ZNF583: variants seen among roughly 807,000 people sequenced by gnomAD.
The protein encoded by ZNF583 is zinc finger protein 583.
A neutral mutation model predicts 55.3 loss-of-function variants in ZNF583; 30 were observed. The observed-to-expected ratio is 0.54, with a 90% CI of 0.41 to 0.74. ZNF583 has a LOEUF of 0.74. Ranked by LOEUF, ZNF583 falls within the 30% of genes least tolerant of loss-of-function variation. The pLI is 0.00. For missense variants in ZNF583, 504 were observed against 664.7 expected (o/e 0.76, Z 2.66); for synonymous variants, 208 against 220.0 (o/e 0.95, Z 0.48).
intron 4 of ZNF583, among the ~76,000 whole-genome samples, chr19:56,419,225 C>A (rs1428446244): frequency 1.6e-5 from 2 of 126,124 alleles, no homozygotes; most frequent in Non-Finnish European, 3.2e-5. Context: ...GAGATGGAGT[C>A]TTGCTCTGTC....
chr19:56,423,638 T>C lies in ZNF583; in HGVS notation c.980T>C (p.Ile327Thr), dbSNP rs986296569. Reference protein sequence around the residue: ...VHTGERPFECIECGKAFSNGS... With the variant: ...VHTGERPFECTECGKAFSNGS... ...ACTGGAGAGAGACCTTTCGAATGTATTGAATGTGGAAAGGCCTTTAGTAAT... is the reference window on the plus strand; with the variant it reads ...ACTGGAGAGAGACCTTTCGAATGTACTGAATGTGGAAAGGCCTTTAGTAAT... The change falls in exon 5 of 5, where the codon ATT becomes ACT. Residue 327 changes from isoleucine to threonine, a missense_variant. By Grantham distance (89) the Ile-to-Thr change is moderately conservative. Around this residue, in one of 3 missense-constraint regions of ZNF583, gnomAD observed 237 missense variants for 373.0 expected, o/e 0.64. Coordinates refer to ENST00000333201, the MANE Select transcript of ZNF583 (RefSeq NM_152478.3). The C allele has an allele frequency of 2.5e-6, 4 of 1,611,206 alleles. No homozygotes were observed. The highest frequency in any genetic ancestry group is 3.4e-6 in the Non-Finnish European group (4 of 1,179,178).
At chr19:56,413,845 G>A in intron 2 of ZNF583, 114 bp from the exon 3 acceptor site, 1 of 1,448,184 alleles carries the variant, frequency 6.9e-7, no homozygotes, top group Non-Finnish European at 9.4e-7. Context: ...CTGTCAGAAA[G>A]TTTTGCTATG....
chr19:56,413,840 A>G (rs2042274922), intron 2 of ZNF583, 119 bp from the exon 3 acceptor site: 1 of 1,403,000 alleles, frequency 7.1e-7, no homozygotes, highest in Admixed American at 2.0e-5. Context: ...AGATACTGTC[A>G]GAAAGTTTTG....
chr19:56,414,126 C>T (rs921850352), intron 3 of ZNF583, 41 bp downstream of exon 3: 1 of 1,556,124 alleles, frequency 6.4e-7, no homozygotes. Flanking sequence ...GTACATGGGA[C>T]TGAGCTCCAA....
Position 56,423,126 on chromosome 19 carries a change from A to G in ZNF583, c.468A>G (p.Lys156=). The G allele has an allele frequency of 6.2e-7, 1 of 1,611,732 alleles. No homozygotes were observed. Among genetic ancestry groups the G allele is most frequent in the Non-Finnish European group, 8.5e-7 (1 of 1,179,436 alleles). ...AAATCCTTCCAGAAGTTCAAAATAAAGAATATAACAAATCTTGGCAAACAT... is the reference window on the plus strand; with the variant it reads ...AAATCCTTCCAGAAGTTCAAAATAAGGAATATAACAAATCTTGGCAAACAT... ...HKEILPEVQN[K]EYNKSWQTFH... is the part of the protein sequence containing the mutation. Residue 156 remains lysine (K), a synonymous_variant, in exon 5 of 5, where the codon AAA becomes AAG. Coordinates refer to ENST00000333201, the MANE Select transcript of ZNF583 (RefSeq NM_152478.3).
At chr19:56,419,195 CT>C (rs57785686) in intron 4 of ZNF583, among the ~76,000 whole-genome samples, 50,879 of 113,694 alleles carry the variant, frequency 0.45, 8,649 homozygotes, top group East Asian at 0.75. Context: ...TGCAGGTTTA[CT>C]TTTTTTTTTT....
chr19:56,417,676 AT>A (rs2042349429), intron 4 of ZNF583, among the ~76,000 whole-genome samples: 1 of 152,138 alleles, frequency 6.6e-6, no homozygotes, highest in Non-Finnish European at 1.5e-5. Flanking sequence ...GTAAAATCCA[AT>A]TTATTAATTT....
At chr19:56,417,637 C>G (rs1289441161) in intron 4 of ZNF583, among the ~76,000 whole-genome samples, 1 of 152,120 alleles carries the variant, frequency 6.6e-6, no homozygotes, top group African/African-American at 2.4e-5. Flanking sequence ...CTGCTGCCAC[C>G]TCTGTTGGAG....
intron 4 of ZNF583, among the ~76,000 whole-genome samples, chr19:56,417,914 C>G (rs1016015302): frequency 6.6e-6 from 1 of 152,130 alleles, no homozygotes; most frequent in Admixed American, 6.5e-5. Flanking sequence ...CTTCCTAATT[C>G]TATCACCTAT....
chr19:56,411,424 G>A (rs2042236708), intron 2 of ZNF583, among the ~76,000 whole-genome samples: 1 of 152,188 alleles, frequency 6.6e-6, no homozygotes, highest in Admixed American at 6.5e-5. Flanking sequence ...AAATGTACAA[G>A]GTATTCATGG....
At position 56,414,341 on chromosome 19, in the gene ZNF583, G is replaced by A; in HGVS notation, c.137-4G>A. On this transcript the variant is annotated splice_region_variant and splice_polypyrimidine_tract_variant and intron_variant, in intron 3 of 4. Coordinates refer to ENST00000333201, the MANE Select transcript of ZNF583 (RefSeq NM_152478.3). ...CTAATTCCCCTTTTGTTTTTTGTAA[G>A]CAGGAGTTTCTGTTTCTAAGCCAGA... 1.2e-6 allele frequency: 2 copies of A among 1,613,938 alleles called. No homozygotes were observed. Among genetic ancestry groups the A allele is most frequent in the Non-Finnish European group, 1.7e-6 (2 of 1,179,928 alleles).
intron 2 of ZNF583, among the ~76,000 whole-genome samples, chr19:56,412,420 T>C (rs1269810632): frequency 6.6e-6 from 1 of 152,214 alleles, no homozygotes; most frequent in East Asian, 1.9e-4. Context: ...CAACATTCGG[T>C]AGTATTATTT....
intron 4 of ZNF583, chr19:56,421,539 A>C: frequency 1.0e-6 from 1 of 978,550 alleles, no homozygotes; most frequent in African/African-American, 1.7e-5. Context: ...TGTTGCCTTC[A>C]GATTCTTTTC....
At chr19:56,406,770 G>A (rs1179788952) in intron 1 of ZNF583, among the ~76,000 whole-genome samples, 2 of 151,992 alleles carry the variant, frequency 1.3e-5, no homozygotes, top group Non-Finnish European at 2.9e-5. Flanking sequence ...TTCGTGATTC[G>A]CCAGCCTCGG....
chr19:56,415,506 G>A (rs1402328428), intron 4 of ZNF583, among the ~76,000 whole-genome samples: 1 of 152,134 alleles, frequency 6.6e-6, no homozygotes, highest in Non-Finnish European at 1.5e-5. Context: ...GCCTTTGTGG[G>A]GAAGTGAATC....
chr19:56,416,341 AAG>A (rs2042322481), intron 4 of ZNF583, among the ~76,000 whole-genome samples: 1 of 151,780 alleles, frequency 6.6e-6, no homozygotes, highest in South Asian at 2.1e-4. Flanking sequence ...AAAAAAAAAA[AAG>A]AATACATTTA....
rs759960941 is a variant in ZNF583, at chr19:56,422,978, G to A, written c.320G>A (p.Arg107Lys). ...TCCAAAGTTGTGACAGTGGGAGCAA[G>A]ACATCTTAGTTATAGCCTTGACTAT... The part of the protein sequence containing the change: ...ESSKVVTVGA[R>K]HLSYSLDYPS... The change falls in exon 5 of 5, where the codon AGA becomes AAA. Residue 107 changes from arginine to lysine, a missense_variant. Physicochemically the swap from Arg to Lys is conservative, Grantham distance 26 (BLOSUM62 2). This residue lies in a region of ZNF583 where 204 missense variants were observed against 235.2 expected (regional missense o/e 0.87). Coordinates refer to ENST00000333201, the MANE Select transcript of ZNF583 (RefSeq NM_152478.3). 1.5e-5 allele frequency: 24 copies of A among 1,613,910 alleles called. No individual in the cohort carries two copies. Among genetic ancestry groups the A allele is most frequent in the Non-Finnish European group, 2.0e-5 (24 of 1,179,874 alleles).
chr19:56,421,825 T>C (rs2042420555), intron 4 of ZNF583, among the ~76,000 whole-genome samples: 1 of 152,176 alleles, frequency 6.6e-6, no homozygotes, highest in South Asian at 2.1e-4. Flanking sequence ...AGTTAACATG[T>C]AATATGATAT....
At chr19:56,404,250 G>A (rs952481208), upstream of ZNF583, 6 of 152,796 alleles carry the variant, frequency 3.9e-5, no homozygotes, top group African/African-American at 7.2e-5. This position sits in a 1 kb window ranked among gnomAD's most constrained non-coding sequence, Gnocchi z 5.2. Flanking sequence ...CGGCCGCCCG[G>A]GGCCCTCGGC....
Sources: gnomAD v4.1 joint callset for allele counts (sites outside exome capture counted in the v4.1 genomes callset) on GRCh38, gnomAD v4.1.1 for gene constraint, gnomAD v4.1.1 regional missense constraint, Gnocchi (gnomAD v3.1) non-coding constraint, MANE v1.5 for transcripts, NCBI Gene and HGNC (gene_info 2026-07-23, HGNC 2026-07-21) for gene names.